The following UTP4 variants were observed in gnomAD, a reference collection of about 807,000 sequenced individuals.
UTP4 encodes U3 small nucleolar RNA-associated protein 4 homolog.
Under a neutral mutation model 82.4 loss-of-function variants are expected in UTP4, and 45 were observed. The observed-to-expected ratio is 0.55, with a 90% CI of 0.43 to 0.70. UTP4 has a LOEUF of 0.70. Among genes scored for constraint, UTP4 ranks in the 30% least tolerant of loss-of-function variants. The pLI is 0.00. For synonymous variants in UTP4, 348 were observed against 300.3 expected (o/e 1.16, Z -1.64); for missense variants, 819 against 858.3 (o/e 0.95, Z 0.57).
At chr16:69,156,059 A>C in intron 11 of UTP4, 66 bp downstream of exon 11, 1 of 1,530,636 alleles carries the variant, frequency 6.5e-7, no homozygotes. Context: ...TTTTGTGTGA[A>C]GTGGAAATCA....
At chr16:69,161,299 C>T (rs1212141914) in intron 13 of UTP4, among the ~76,000 whole-genome samples, 1 of 152,156 alleles carries the variant, frequency 6.6e-6, no homozygotes, top group Non-Finnish European at 1.5e-5. Flanking sequence ...GAATCAGATT[C>T]GAACTACCCA....
At chr16:69,167,962 A>G (rs1597157061) in intron 16 of UTP4, 2 of 152,106 alleles carry the variant, frequency 1.3e-5, no homozygotes, top group South Asian at 2.1e-4. Context: ...TGCGGTGAGT[A>G]TGATTGCACC....
Position 69,163,066 on chromosome 16 carries a change from C to T in UTP4, c.1552-17C>T. ...TGTCACTTAGAGTTGCCACTTGTGT[C>T]TGTTATTTGTTCCCAGCTTCACTGC... On this transcript the variant is annotated splice_polypyrimidine_tract_variant and intron_variant, in intron 13 of 16. Coordinates refer to ENST00000314423, the MANE Select transcript of UTP4 (RefSeq NM_032830.3). 6.2e-7 allele frequency: 1 copy of T among 1,601,700 alleles called. No homozygotes were observed. The highest frequency in any genetic ancestry group is 8.6e-7 in the Non-Finnish European group (1 of 1,168,658).
At chr16:69,135,458 A>T (rs1962786086) in intron 2 of UTP4, among the ~76,000 whole-genome samples, 1 of 152,134 alleles carries the variant, frequency 6.6e-6, no homozygotes, top group African/African-American at 2.4e-5. Flanking sequence ...CACACCTGTA[A>T]ACCCAGCGCT....
chr16:69,143,532 A>G, intron 6 of UTP4, 143 bp downstream of exon 6: 2 of 758,774 alleles, frequency 2.6e-6, no homozygotes, highest in South Asian at 2.9e-5. Context: ...AATGCATCTG[A>G]AAACCCACAT....
At chr16:69,167,298 G>A in intron 16 of UTP4, 113 bp downstream of exon 16, 1 of 751,948 alleles carries the variant, frequency 1.3e-6, no homozygotes, top group South Asian at 1.5e-5. Flanking sequence ...CAGAGAACCT[G>A]GCTTGTGGGA....
chr16:69,152,671 C>A (rs1338374221), intron 8 of UTP4, among the ~76,000 whole-genome samples: 1 of 152,024 alleles, frequency 6.6e-6, no homozygotes, highest in East Asian at 1.9e-4. Flanking sequence ...CAGGGTTTCA[C>A]CATGTTGGCC....
chr16:69,146,258 T>C (rs1364516896), intron 6 of UTP4, among the ~76,000 whole-genome samples: 1 of 152,176 alleles, frequency 6.6e-6, no homozygotes, highest in Non-Finnish European at 1.5e-5. Context: ...CACTATCCAT[T>C]TTCAGAATTT....
Position 69,157,068 on chromosome 16 carries a change from A to G in UTP4, c.1288-16A>G. 6.2e-7 allele frequency: 1 copy of G among 1,614,094 alleles called. No homozygotes were observed. Among genetic ancestry groups the G allele is most frequent in the Non-Finnish European group, 8.5e-7 (1 of 1,179,968 alleles). On this transcript the variant is annotated splice_polypyrimidine_tract_variant and intron_variant, in intron 11 of 16. Transcript: ENST00000314423. ...CTCCCTTCTCTCACTGGCTTTTATTATTGGTTCACCCAAAGGTTTCCAAAA... is the reference window on the plus strand; with the variant it reads ...CTCCCTTCTCTCACTGGCTTTTATTGTTGGTTCACCCAAAGGTTTCCAAAA...
intron 12 of UTP4, 68 bp from the exon 13 acceptor site, chr16:69,160,288 C>T (rs1963529922): frequency 1.6e-6 from 2 of 1,232,874 alleles, no homozygotes; most frequent in Non-Finnish European, 2.4e-6. Context: ...CTTTTGCCAT[C>T]ATCTCCAGGG....
Position 69,168,934 on chromosome 16 carries a change from C to G in UTP4, c.2058C>G (p.Thr686=). The G allele has an allele frequency of 6.3e-7, 1 of 1,589,100 alleles. No homozygotes were observed. The highest frequency in any genetic ancestry group is 8.6e-7 in the Non-Finnish European group (1 of 1,157,154). ...PPPIKKKKFG[T] ...CCATTAAAAAGAAGAAATTTGGAAC[C>G]TAAAACAGGGCACTGTCTGTGTCCT... The change falls in exon 17 of 17, where the codon ACC becomes ACG. Residue 686 remains threonine (T), a synonymous_variant. Coordinates refer to ENST00000314423, the MANE Select transcript of UTP4 (RefSeq NM_032830.3).
At chr16:69,132,957 T>C (rs1962675176) in intron 1 of UTP4, 1 of 215,998 alleles carries the variant, frequency 4.6e-6, no homozygotes, top group African/African-American at 2.4e-5. Flanking sequence ...GAACAAGACC[T>C]GGTCTCTACT....
At chr16:69,134,845 G>C (rs1348518945) in intron 2 of UTP4, among the ~76,000 whole-genome samples, 4 of 150,782 alleles carry the variant, frequency 2.7e-5, no homozygotes, top group Admixed American at 2.0e-4. Context: ...GTGCCACCAT[G>C]CCTCGCTAAT....
chr16:69,165,126 C>T (rs888428463), intron 14 of UTP4, among the ~76,000 whole-genome samples: 2 of 150,970 alleles, frequency 1.3e-5, no homozygotes, highest in Admixed American at 6.6e-5. Flanking sequence ...ACCGGGGAGG[C>T]GGAGCTTGCA....
rs1039438012 is a variant in UTP4 at position 69,149,839 on chromosome 16, G to A, written c.739-698G>A. Among the ~76,000 whole-genome samples the A allele has an allele frequency of 2.0e-5, 3 of 151,672 alleles. No individual in the cohort carries two copies. The East Asian group carries it at 5.8e-4, about 29-fold the overall frequency. On this transcript the variant is annotated intron_variant, in intron 6 of 16. Coordinates refer to ENST00000314423, the MANE Select transcript of UTP4 (RefSeq NM_032830.3). Reference sequence around the variant, plus strand: ...TGCCTCCCAGGTTCAAGTGATTCTCGTGCCTCAGCCGTCCAAATAGTTGGG... The same window carrying A: ...TGCCTCCCAGGTTCAAGTGATTCTCATGCCTCAGCCGTCCAAATAGTTGGG...
Position 69,160,557 on chromosome 16 carries a change from G to A in UTP4, c.1551+95G>A, listed in dbSNP as rs1963537695. ...ATTCAAGGCAGATTGGCATGACCTG[G>A]AAATTTATTAGACTTTTTTCTTTTT... is the stretch of plus-strand genomic sequence containing the variant. On this transcript the variant is annotated intron_variant, in intron 13 of 16. Coordinates refer to ENST00000314423, the MANE Select transcript of UTP4 (RefSeq NM_032830.3). 16 of 871,364 alleles carry A rather than the reference G, an allele frequency of 1.8e-5. No homozygotes were observed. In the East Asian group the frequency reaches 3.6e-4, roughly 20 times the overall value. 54.0% of individuals were successfully genotyped at this position (871,364 alleles called of 1,614,324 possible).
At chr16:69,135,670 C>T (rs1348719302) in intron 2 of UTP4, among the ~76,000 whole-genome samples, 1 of 152,074 alleles carries the variant, frequency 6.6e-6, no homozygotes, top group Non-Finnish European at 1.5e-5. Context: ...GAGCCAAGAT[C>T]GTGCCACTGC....
At chr16:69,147,074 G>A (rs906922128) in intron 6 of UTP4, among the ~76,000 whole-genome samples, 7 of 150,120 alleles carry the variant, frequency 4.7e-5, no homozygotes, top group Non-Finnish European at 8.9e-5. Context: ...CTACTTGGGA[G>A]GCTGAGGCGG....
chr16:69,153,573 C>G lies in UTP4; in HGVS notation c.1003-11C>G, dbSNP rs773445419. On this transcript the variant is annotated splice_polypyrimidine_tract_variant and intron_variant, in intron 8 of 16. Transcript: ENST00000314423. ...GACTTATTTTTTTAACTTCTTGATT[C>G]TTGGATATAGCGATGTCTCATCTCC... is the stretch of plus-strand genomic sequence containing the variant. 2.5e-6 allele frequency: 4 copies of G among 1,603,912 alleles called. No individual in the cohort carries two copies. Among genetic ancestry groups the G allele is most frequent in the East Asian group, 2.2e-5 (1 of 44,848 alleles).
Sources: allele counts gnomAD v4.1 joint callset (sites outside exome capture counted in the v4.1 genomes callset), GRCh38; gene constraint gnomAD v4.1.1; transcripts MANE v1.5; gene names NCBI Gene and HGNC (gene_info 2026-07-23, HGNC 2026-07-21).